The following GNB5 variants were observed in gnomAD, a reference collection of about 807,000 sequenced individuals.
GNB5 encodes guanine nucleotide-binding protein subunit beta-5.
Under a neutral mutation model 55.3 loss-of-function variants are expected in GNB5, and 37 were observed. That is an observed-to-expected ratio of 0.67 (90% confidence interval 0.51 to 0.88). The LOEUF (loss-of-function observed/expected upper bound fraction) is 0.88. GNB5 is among the 40% of genes least tolerant of loss of function. GNB5 has a pLI of 0.00. For missense variants in GNB5, 476 were observed against 515.3 expected, an observed-to-expected ratio of 0.92 and a Z score of 0.74; for synonymous variants, 219 against 198.5, an observed-to-expected ratio of 1.10 and a Z score of -0.87.
At chr15:52,137,483 T>C in intron 7 of GNB5, 1 of 1,017,160 alleles carries the variant, frequency 9.8e-7, no homozygotes, top group Non-Finnish European at 1.2e-6. Context: ...GAGAGCACTC[T>C]GGAAGCTTCT....
chr15:52,160,705 C>A (rs2034314671), intron 3 of GNB5, among the ~76,000 whole-genome samples: 1 of 152,214 alleles, frequency 6.6e-6, no homozygotes, highest in African/African-American at 2.4e-5. Flanking sequence ...CTTTCCTCCA[C>A]ATATGTGCAC....
intron 7 of GNB5, chr15:52,137,407 G>A (rs554946971): frequency 2.9e-6 from 3 of 1,029,622 alleles, no homozygotes; most frequent in Admixed American, 1.0e-4. Context: ...AAACTCCAGG[G>A]GGGCCTATGT....
At chr15:52,175,283 T>C (rs1216210874) in intron 3 of GNB5, among the ~76,000 whole-genome samples, 1 of 152,220 alleles carries the variant, frequency 6.6e-6, no homozygotes, top group Non-Finnish European at 1.5e-5. Context: ...GTCAGCCGCA[T>C]ACCCTAATTT....
chr15:52,147,246 T>A, intron 6 of GNB5: 4 of 403,468 alleles, frequency 9.9e-6, no homozygotes, highest in Non-Finnish European at 1.4e-5. Context: ...CAAGTGATCC[T>A]CCCACCTCAG....
At chr15:52,180,457 A>C (rs2141240877) in intron 2 of GNB5, 1 of 152,360 alleles carries the variant, frequency 6.6e-6, no homozygotes, top group Non-Finnish European at 1.5e-5. Flanking sequence ...TTGTTGATCT[A>C]AATATACAAA....
intron 3 of GNB5, among the ~76,000 whole-genome samples, chr15:52,164,289 C>G (rs796213672): frequency 5.6e-5 from 6 of 106,208 alleles, no homozygotes; most frequent in African/African-American, 2.2e-4. Flanking sequence ...GCCTGGGAGA[C>G]AACAGCAAGA....
At chr15:52,151,074 G>A (rs1482216992) in intron 4 of GNB5, among the ~76,000 whole-genome samples, 1 of 152,220 alleles carries the variant, frequency 6.6e-6, no homozygotes, top group Non-Finnish European at 1.5e-5. Flanking sequence ...CCTGAAGCAA[G>A]GTCAAATTTG....
At chr15:52,132,495 T>G (rs2033601545) in intron 9 of GNB5, among the ~76,000 whole-genome samples, 1 of 151,486 alleles carries the variant, frequency 6.6e-6, no homozygotes, top group African/African-American at 2.4e-5. Flanking sequence ...TGGGTTTTTT[T>G]TTTTTTTTTT....
At chr15:52,143,394 A>G (rs1361383745) in intron 6 of GNB5, among the ~76,000 whole-genome samples, 1 of 152,174 alleles carries the variant, frequency 6.6e-6, no homozygotes, top group Non-Finnish European at 1.5e-5. Flanking sequence ...CTGCTTTAGT[A>G]CCTAACTAAT....
At chr15:52,151,339 G>A (rs1379136652) in intron 4 of GNB5, among the ~76,000 whole-genome samples, 1 of 152,170 alleles carries the variant, frequency 6.6e-6, no homozygotes, top group African/African-American at 2.4e-5. Context: ...TCCCCCATGT[G>A]TGCTCTGGAG....
At chr15:52,153,204 T>G (rs1251135354) in intron 4 of GNB5, among the ~76,000 whole-genome samples, 2 of 152,318 alleles carry the variant, frequency 1.3e-5, no homozygotes, top group East Asian at 3.9e-4. Flanking sequence ...TGTGGATCAC[T>G]CGCTCTGGGA....
intron 3 of GNB5, among the ~76,000 whole-genome samples, chr15:52,155,013 CA>C (rs1313012874): frequency 6.6e-6 from 1 of 152,208 alleles, no homozygotes; most frequent in Non-Finnish European, 1.5e-5. Context: ...CCACAAAGAC[CA>C]GCTGGTCCAG....
intron 7 of GNB5, chr15:52,137,272 A>G (rs900109970): frequency 6.3e-5 from 72 of 1,145,162 alleles, no homozygotes; most frequent in Non-Finnish European, 7.6e-5. Flanking sequence ...CAATGACAAC[A>G]GCATGAGAAG....
At chr15:52,174,622 G>A (rs1284205118) in intron 3 of GNB5, among the ~76,000 whole-genome samples, 1 of 152,176 alleles carries the variant, frequency 6.6e-6, no homozygotes, top group African/African-American at 2.4e-5. Flanking sequence ...TGTCTGAAGA[G>A]AGGAAACCAT....
chr15:52,138,711 C>G, intron 7 of GNB5: 1 of 152,174 alleles, frequency 6.6e-6, no homozygotes, highest in East Asian at 1.9e-4. Flanking sequence ...CTTGCAGTAA[C>G]TTACAGTTTA....
intron 8 of GNB5, among the ~76,000 whole-genome samples, chr15:52,133,735 T>G (rs1217733484): frequency 2.0e-5 from 3 of 152,248 alleles, no homozygotes; most frequent in African/African-American, 7.2e-5. Flanking sequence ...CATTTCTGAA[T>G]GGAGGCAAAC....
chr15:52,137,940 G>C, intron 7 of GNB5: 1 of 1,287,106 alleles, frequency 7.8e-7, no homozygotes, highest in Non-Finnish European at 1.0e-6. Context: ...GATGATTACT[G>C]ATGGCTGAGG....
intron 3 of GNB5, among the ~76,000 whole-genome samples, chr15:52,175,074 A>AAAAC (rs201137198): frequency 2.0e-4 from 30 of 152,238 alleles, no homozygotes; most frequent in East Asian, 7.7e-4. Flanking sequence ...CTCTGTCTCA[A>AAAAC]AAACAAACAA....
intron 2 of GNB5, among the ~76,000 whole-genome samples, chr15:52,183,570 T>C (rs930988380): frequency 2.0e-5 from 3 of 152,246 alleles, no homozygotes; most frequent in East Asian, 1.9e-4. Flanking sequence ...AATGTAATCA[T>C]GGTCAGGGGT....
Sources: gnomAD v4.1 joint callset for allele counts (sites outside exome capture counted in the v4.1 genomes callset) on GRCh38, gnomAD v4.1.1 for gene constraint, MANE v1.5 for transcripts, NCBI Gene and HGNC (gene_info 2026-07-23, HGNC 2026-07-21) for gene names.